The following MKKS variants were observed in gnomAD, a reference collection of about 807,000 sequenced individuals.
MKKS encodes molecular chaperone MKKS.
In MKKS, 29 loss-of-function variants were observed where a neutral mutation model predicts 33.2. That is an observed-to-expected ratio of 0.87 (90% confidence interval 0.65 to 1.19). MKKS has a LOEUF of 1.19. MKKS is among the 50% of genes most tolerant of loss of function. MKKS has a pLI of 0.00. For missense variants in MKKS, 661 were observed against 662.3 expected, an observed-to-expected ratio of 1.00 and a Z score of 0.02; for synonymous variants, 260 against 244.0, an observed-to-expected ratio of 1.07 and a Z score of -0.61.
Position 10,413,456 on chromosome 20 carries a change from T to C in MKKS, c.59A>G (p.Glu20Gly), listed in dbSNP as rs199553497. 314 of 1,614,060 alleles carry C rather than the reference T, an allele frequency of 1.9e-4. No individual in the cohort carries two copies. The highest frequency in any genetic ancestry group is 2.5e-4 in the Non-Finnish European group (290 of 1,179,904). ...GACAGAAAGTGTGGTCCTGACTCTC[T>C]CAGTTGTCAGTGGTTCACTCTTACA... The part of the protein sequence containing the change: ...SLCKSEPLTT[E>G]RVRTTLSVLK... Residue 20 changes from glutamate to glycine, a missense_variant, in exon 3 of 6, where the codon GAG (glutamate) becomes GGG (glycine). Transcript: ENST00000347364.
intron 3 of MKKS, among the ~76,000 whole-genome samples, chr20:10,409,863 T>TG (rs1411652446): frequency 6.7e-6 from 1 of 149,566 alleles, no homozygotes; most frequent in African/African-American, 2.5e-5. Flanking sequence ...CCCAGCTGCT[T>TG]GGGAGGCTGA....
rs2065022279 is a variant in MKKS, at chr20:10,427,283, TG to T, written c.-648-6526del. 2.6e-5 allele frequency among the ~76,000 whole-genome samples: 4 copies of T among 152,240 alleles called. No individual in the cohort carries two copies. The South Asian group carries it at 8.3e-4, about 32-fold the overall frequency. On this transcript the variant is annotated intron_variant, in intron 1 of 5. Transcript: ENST00000347364. ...TTCTCATTTTGCCTATTGGGCTTGC[TG>T]GGCGCCATCTGCTGGCCTTTTGGAC...
intron 2 of MKKS, among the ~76,000 whole-genome samples, chr20:10,420,241 G>A (rs1304640463): frequency 6.6e-6 from 1 of 152,138 alleles, no homozygotes; most frequent in Non-Finnish European, 1.5e-5. Flanking sequence ...GATATGTAAT[G>A]GTAAGGAGTC....
At chr20:10,432,695 T>C (rs1389232408) in intron 1 of MKKS, among the ~76,000 whole-genome samples, 1 of 143,600 alleles carries the variant, frequency 7.0e-6, no homozygotes, top group African/African-American at 2.6e-5. Flanking sequence ...CTCCGGAGGC[T>C]AAGGCAGGGA....
In MKKS at chr20:10,413,318, T is replaced by C; in HGVS notation, c.197A>G (p.His66Arg). Residue 66 changes from histidine to arginine, a missense_variant, in exon 3 of 6, where the codon CAC (histidine) becomes CGC (arginine). His to Arg is a conservative substitution (Grantham distance 29, BLOSUM62 0). Transcript: ENST00000347364. ...TAAAATGGGATGTGTGACCAAAAGG[T>C]GACTGAGCAGAGCTGAGGACTGTGA... Reference protein sequence around the residue: ...TTSQSSALLSHLLVTHPILKI... With the variant: ...TTSQSSALLSRLLVTHPILKI... 1.2e-6 allele frequency: 2 copies of C among 1,614,140 alleles called. No homozygotes were observed. The highest frequency in any genetic ancestry group is 8.5e-7 in the Non-Finnish European group (1 of 1,180,032).
chr20:10,412,589 C>T lies in MKKS; in HGVS notation c.926G>A (p.Arg309His), dbSNP rs199939179. The T allele has an allele frequency of 9.3e-5, 150 of 1,613,940 alleles. No homozygotes were observed. Among genetic ancestry groups the T allele is most frequent in the African/African-American group, 8.0e-5 (6 of 75,016 alleles). ...TCCAATTCTGTCTATGGCAATAATA[C>T]GATGCATATTGAGAAACTGCTTCAA... ...PSLKQFLNMH[R>H]IIAIDRIGVT... Residue 309 changes from arginine (R) to histidine (H), a missense_variant, in exon 3 of 6, where the codon CGT becomes CAT. Arg to His is a conservative substitution (Grantham distance 29). Transcript: ENST00000347364.
At position 10,413,396 on chromosome 20, in the gene MKKS, G is replaced by C. The variant is rs753338844; in HGVS notation, c.119C>G (p.Ser40Ter). 3.1e-6 allele frequency: 5 copies of C among 1,613,012 alleles called. No individual in the cohort carries two copies. In the South Asian group the frequency reaches 5.5e-5, roughly 18 times the overall value. Residue 40 changes from serine (S) to a stop codon, truncating the protein, a stop_gained, in exon 3 of 6, where the codon TCA (serine) becomes TGA (stop). Coordinates refer to ENST00000347364, the MANE Select transcript of MKKS (RefSeq NM_170784.3). LOFTEE classifies it high-confidence loss of function. Reference sequence around the variant, plus strand: ...ATTGTGCAGCTGCTTCAGCCTACCTGAGGGGCCATAGCATGATGTTACAAT... The same window carrying C: ...ATTGTGCAGCTGCTTCAGCCTACCTCAGGGGCCATAGCATGATGTTACAAT... The part of the protein sequence containing the change: ...KRIVTSCYGP[S>*]GRLKQLHNGF...
chr20:10,413,466 G>C lies in MKKS; in HGVS notation c.49C>G (p.Leu17Val). The change falls in exon 3 of 6, where the codon CTG becomes GTG. Residue 17 changes from leucine to valine, a missense_variant. Leu to Val is a conservative substitution (Grantham distance 32). Coordinates refer to ENST00000347364, the MANE Select transcript of MKKS (RefSeq NM_170784.3). Reference sequence around the variant, plus strand: ...GTGGTCCTGACTCTCTCAGTTGTCAGTGGTTCACTCTTACACAATGATGGC... The same window carrying C: ...GTGGTCCTGACTCTCTCAGTTGTCACTGGTTCACTCTTACACAATGATGGC... ...KKPSLCKSEP[L>V]TTERVRTTLS... is the part of the protein sequence containing the mutation. The C allele has an allele frequency of 6.2e-7, 1 of 1,614,164 alleles. No homozygotes were observed.
rs113186887 is a variant in MKKS at position 10,420,590 on chromosome 20, G to A, written c.-480C>T. ...CTCTTCTGAAGATTTGAAAGTCCCA[G>A]ACTATCTTGCTCAGGAATGTCGTCG... On this transcript the variant is annotated 5_prime_UTR_variant, in exon 2 of 6. Transcript: ENST00000347364. The A allele has an allele frequency of 6.6e-6, 1 of 152,194 alleles. No homozygotes were observed. The highest frequency in any genetic ancestry group is 1.5e-5 in the Non-Finnish European group (1 of 68,056). The allele number at this position is 152,194 out of a possible 1,614,324, so 9.4% of individuals were successfully genotyped here. A position where few individuals can be genotyped will look rare whatever the true frequency, so the allele number is the denominator to read the frequency against.
chr20:10,414,190 GCA>G (rs766352649), intron 2 of MKKS, among the ~76,000 whole-genome samples: 6 of 151,422 alleles, frequency 4.0e-5, no homozygotes, highest in Non-Finnish European at 1.5e-5. Context: ...AAAGCTTACA[GCA>G]CAGTTATTTG....
intron 4 of MKKS, 77 bp downstream of exon 4, chr20:10,408,551 A>G (rs2064858746): frequency 6.6e-7 from 1 of 1,516,788 alleles, no homozygotes; most frequent in Non-Finnish European, 9.1e-7. Context: ...AAGCTACGAA[A>G]AAAAAATCAT....
At chr20:10,433,699 C>T (rs902381274) in intron 1 of MKKS, among the ~76,000 whole-genome samples, 3 of 152,248 alleles carry the variant, frequency 2.0e-5, no homozygotes, top group Admixed American at 1.3e-4. Context: ...GGGCGGCCCC[C>T]ACCTCCCGAC....
At chr20:10,432,977 G>A (rs1276167686) in intron 1 of MKKS, among the ~76,000 whole-genome samples, 2 of 152,158 alleles carry the variant, frequency 1.3e-5, no homozygotes, top group Admixed American at 6.5e-5. Flanking sequence ...GTTCAGTACA[G>A]ATGTAACCAT....
chr20:10,427,031 C>CACACACACAGACACACACACAG (rs1241661296), intron 1 of MKKS, among the ~76,000 whole-genome samples: 1 of 29,740 alleles, frequency 3.4e-5, no homozygotes, highest in African/African-American at 7.5e-5. Context: ...AAAACACTGA[C>CACACACACAGACACACACACAG]ACACACACAC....
intron 1 of MKKS, among the ~76,000 whole-genome samples, chr20:10,428,879 T>C (rs1330754603): frequency 6.6e-6 from 1 of 152,086 alleles, no homozygotes; most frequent in Non-Finnish European, 1.5e-5. Flanking sequence ...CCTTGCCTGC[T>C]GTCAGAAGAA....
intron 2 of MKKS, among the ~76,000 whole-genome samples, chr20:10,418,929 A>C (rs1014185469): frequency 3.3e-5 from 5 of 152,152 alleles, no homozygotes; most frequent in African/African-American, 1.2e-4. Context: ...TTTTATATAG[A>C]ATGTCCTAAA....
rs767898446 is a variant in MKKS, at chr20:10,413,372, T to C, written c.143A>G (p.Asn48Ser). The change falls in exon 3 of 6, where the codon AAT (asparagine) becomes AGT (serine). Residue 48 changes from asparagine to serine, a missense_variant. Transcript: ENST00000347364. ...TGTACACACGTAACCTCCAAAGCCATTGTGCAGCTGCTTCAGCCTACCTGA... is the reference window on the plus strand; with the variant it reads ...TGTACACACGTAACCTCCAAAGCCACTGTGCAGCTGCTTCAGCCTACCTGA... ...GPSGRLKQLHNGFGGYVCTTS... is the reference protein window; with the variant it reads ...GPSGRLKQLHSGFGGYVCTTS... The C allele has an allele frequency of 9.3e-6, 15 of 1,613,388 alleles. No individual in the cohort carries two copies. The highest frequency in any genetic ancestry group is 2.2e-5 in the East Asian group (1 of 44,872).
At chr20:10,407,513 AAACT>A (rs1232583026) in intron 5 of MKKS, 99 bp downstream of exon 5, 9 of 1,014,684 alleles carry the variant, frequency 8.9e-6, no homozygotes, top group Non-Finnish European at 1.4e-5. Flanking sequence ...CTAAAAGTTA[AAACT>A]AACAAAAAGA....
intron 2 of MKKS, among the ~76,000 whole-genome samples, chr20:10,415,392 G>A (rs1250338426): frequency 2.0e-5 from 3 of 152,110 alleles, no homozygotes; most frequent in Non-Finnish European, 4.4e-5. Flanking sequence ...GCAGAACAAG[G>A]GAATGTTATG....
Sources: gnomAD v4.1 joint callset for allele counts (sites outside exome capture counted in the v4.1 genomes callset) on GRCh38, gnomAD v4.1.1 for gene constraint, MANE v1.5 for transcripts, NCBI Gene and HGNC (gene_info 2026-07-23, HGNC 2026-07-21) for gene names.